Variants in ADAM12 observed in about 807,000 individuals in gnomAD.
The protein encoded by ADAM12 is ADAM metallopeptidase domain 12.
In ADAM12, 70 loss-of-function variants were observed where a neutral mutation model predicts 106.4. The observed-to-expected ratio is 0.66, with a 90% CI of 0.54 to 0.80. The LOEUF (loss-of-function observed/expected upper bound fraction) is 0.80. ADAM12 is among the 30% of genes least tolerant of loss of function. The pLI, the probability that ADAM12 is intolerant of heterozygous loss-of-function variation, is 0.00. For synonymous variants in ADAM12, 420 were observed against 433.5 expected (o/e 0.97, Z 0.39); for missense variants, 1,010 against 1,171.9 (o/e 0.86, Z 2.02).
chr10:126,051,649 C>T (rs1009842536), intron 14 of ADAM12, among the ~76,000 whole-genome samples: 3 of 151,742 alleles, frequency 2.0e-5, no homozygotes, highest in Non-Finnish European at 4.4e-5. Flanking sequence ...ATCCAGCCAG[C>T]CAGCCGGCCA....
chr10:126,108,714 G>A (rs371576276), intron 7 of ADAM12, 50 bp from the exon 8 acceptor site: 21 of 1,500,852 alleles, frequency 1.4e-5, no homozygotes, highest in Middle Eastern at 1.7e-4. Context: ...TATCAATCAC[G>A]TTTCATCTTC....
intron 22 of ADAM12, among the ~76,000 whole-genome samples, chr10:126,018,217 AC>A (rs1431533689): frequency 6.6e-6 from 1 of 152,240 alleles, no homozygotes; most frequent in Non-Finnish European, 1.5e-5. Context: ...GGCCTGGCCA[AC>A]ACAGTACCTT....
intron 3 of ADAM12, among the ~76,000 whole-genome samples, chr10:126,163,233 G>A (rs1406707417): frequency 6.6e-6 from 1 of 152,172 alleles, no homozygotes; most frequent in Admixed American, 6.5e-5. Flanking sequence ...ACGCAAGAAT[G>A]TCCTAATCCA....
intron 12 of ADAM12, among the ~76,000 whole-genome samples, chr10:126,070,166 T>C (rs1213944990): frequency 6.6e-6 from 1 of 152,076 alleles, no homozygotes; most frequent in Admixed American, 6.6e-5. Flanking sequence ...CCCATGATGG[T>C]TTTAAGTTTT....
chr10:126,298,399 T>C (rs1457226716), intron 2 of ADAM12, among the ~76,000 whole-genome samples: 4 of 152,096 alleles, frequency 2.6e-5, no homozygotes, highest in African/African-American at 9.7e-5. Context: ...TACAACTCAA[T>C]GAATAGGTTC....
chr10:126,247,354 C>T (rs144059331), intron 3 of ADAM12, among the ~76,000 whole-genome samples: 12 of 152,288 alleles, frequency 7.9e-5, no homozygotes, highest in African/African-American at 2.4e-4. Context: ...AAAATAGTTT[C>T]GATTCCACTC....
At chr10:126,270,313 T>C (rs991219005) in intron 3 of ADAM12, among the ~76,000 whole-genome samples, 8 of 152,138 alleles carry the variant, frequency 5.3e-5, no homozygotes, top group African/African-American at 1.9e-4. Flanking sequence ...TCACTCCCTG[T>C]AGGAAAGAAC....
At chr10:126,322,269 G>A (rs1447661156) in intron 2 of ADAM12, among the ~76,000 whole-genome samples, 3 of 152,154 alleles carry the variant, frequency 2.0e-5, no homozygotes, top group Non-Finnish European at 4.4e-5. Flanking sequence ...CTGTGCTGCT[G>A]AACATATTTA....
At chr10:126,359,578 C>T (rs959048875) in intron 1 of ADAM12, among the ~76,000 whole-genome samples, 3 of 152,230 alleles carry the variant, frequency 2.0e-5, no homozygotes, top group African/African-American at 7.2e-5. Context: ...TCCTCTGACT[C>T]CATGTCTCAC....
chr10:126,207,397 G>C (rs1240489194), intron 3 of ADAM12, among the ~76,000 whole-genome samples: 2 of 152,220 alleles, frequency 1.3e-5, no homozygotes, highest in Non-Finnish European at 2.9e-5. Context: ...CTAAGTTATA[G>C]TGCAAATTAC....
intron 21 of ADAM12, among the ~76,000 whole-genome samples, chr10:126,029,814 A>G (rs1157695515): frequency 1.2e-4 from 18 of 152,250 alleles, no homozygotes; most frequent in Admixed American, 1.2e-3. Flanking sequence ...GAAGAAAAAC[A>G]TGGAGACCAC....
intron 1 of ADAM12, among the ~76,000 whole-genome samples, chr10:126,370,900 T>C (rs1856089331): frequency 6.6e-6 from 1 of 152,166 alleles, no homozygotes; most frequent in Non-Finnish European, 1.5e-5. Context: ...ATGGAAATAA[T>C]AATGGCCCAT....
intron 3 of ADAM12, among the ~76,000 whole-genome samples, chr10:126,230,559 C>T (rs543631986): frequency 6.6e-6 from 1 of 152,302 alleles, no homozygotes; most frequent in Admixed American, 6.5e-5. Flanking sequence ...TCCATCAACA[C>T]CGAATTGTAG....
chr10:126,222,669 G>T (rs1418214853), intron 3 of ADAM12, among the ~76,000 whole-genome samples: 1 of 151,858 alleles, frequency 6.6e-6, no homozygotes, highest in Non-Finnish European at 1.5e-5. Context: ...CTCATCCTGC[G>T]TTTCCGGGGT....
At chr10:126,142,129 TTC>T (rs1405345343) in intron 4 of ADAM12, among the ~76,000 whole-genome samples, 1 of 152,186 alleles carries the variant, frequency 6.6e-6, no homozygotes, top group East Asian at 1.9e-4. Context: ...AAACATGAGT[TTC>T]TCTCTCTTTT....
Position 126,046,680 on chromosome 10 carries a change from G to A in ADAM12, c.1918-548C>T, listed in dbSNP as rs895172079. ...TAGCTGGGTGTGGTGGCACGTGCCT[G>A]TAATTCCAGCTTCTTGGGAGGCCGA... On this transcript the variant is annotated intron_variant, in intron 16 of 22. Transcript: ENST00000448723. Among the ~76,000 whole-genome samples the A allele has an allele frequency of 4.0e-5, 6 of 151,626 alleles. No individual in the cohort carries two copies. The East Asian group carries it at 9.7e-4, about 25-fold the overall frequency.
intron 2 of ADAM12, among the ~76,000 whole-genome samples, chr10:126,286,594 G>A (rs1181881436): frequency 6.6e-6 from 1 of 152,162 alleles, no homozygotes; most frequent in African/African-American, 2.4e-5. Context: ...AATATTTAGA[G>A]GCAATCTTGA....
rs537339826 is a variant in ADAM12, at chr10:126,327,095, G to A, written c.186+3317C>T. ...TGCTATGGCACCATAGGATGAAGAA[G>A]AATGCACATGAGGAGAGAATGGAGG... On this transcript the variant is annotated intron_variant, in intron 2 of 22. Coordinates refer to ENST00000448723, the MANE Select transcript of ADAM12 (RefSeq NM_001288973.2). Among the ~76,000 whole-genome samples, 5 of 146,510 alleles carry A rather than the reference G, an allele frequency of 3.4e-5. No individual in the cohort carries two copies. In the East Asian group the frequency reaches 7.8e-4, roughly 23 times the overall value.
Position 126,015,812 on chromosome 10 carries a change from C to T in ADAM12, c.*1467G>A, listed in dbSNP as rs1176082735. ...TTGTCTTCTAATGTGAAAACCAGTC[C>T]AGAAGACAGAGGCATCATGGCATTT... On this transcript the variant is annotated 3_prime_UTR_variant, in exon 23 of 23. Coordinates refer to ENST00000448723, the MANE Select transcript of ADAM12 (RefSeq NM_001288973.2). The T allele has an allele frequency of 1.3e-5, 2 of 152,166 alleles. No individual in the cohort carries two copies. The highest frequency in any genetic ancestry group is 2.4e-5 in the African/African-American group (1 of 41,436). The allele number at this position is 152,166 out of a possible 1,614,324, so 9.4% of individuals were successfully genotyped here. A position where few individuals can be genotyped will look rare whatever the true frequency, so the allele number is the denominator to read the frequency against.
Sources: allele counts gnomAD v4.1 joint callset (sites outside exome capture counted in the v4.1 genomes callset), GRCh38; gene constraint gnomAD v4.1.1; transcripts MANE v1.5; gene names NCBI Gene and HGNC (gene_info 2026-07-23, HGNC 2026-07-21).